The following TAFA5 variants were observed in gnomAD, a reference collection of about 807,000 sequenced individuals.
TAFA5 encodes TAFA chemokine like family member 5, also known as chemokine-like protein TAFA-5.
A neutral mutation model predicts 15.3 loss-of-function variants in TAFA5; 6 were observed. The ratio of observed to expected loss-of-function variants is 0.39; its 90% CI spans 0.21 to 0.77. TAFA5 has a LOEUF of 0.77. TAFA5 is among the 30% of genes least tolerant of loss of function. The pLI is 0.41. For synonymous variants in TAFA5, 103 were observed against 80.7 expected (o/e 1.28, Z -1.48); for missense variants, 161 against 193.1 (o/e 0.83, Z 0.98).
At chr22:48,686,348 TG>T (rs1284704079) in intron 2 of TAFA5, among the ~76,000 whole-genome samples, 1 of 152,198 alleles carries the variant, frequency 6.6e-6, no homozygotes, top group Admixed American at 6.5e-5. Context: ...CGGGTTCTGG[TG>T]AGCACTCTCT....
At chr22:48,589,706 G>A (rs949984062) in intron 1 of TAFA5, among the ~76,000 whole-genome samples, 1 of 146,474 alleles carries the variant, frequency 6.8e-6, no homozygotes, top group African/African-American at 2.6e-5. Context: ...AACAGAGAGG[G>A]GGCCTCGTGA....
At chr22:48,593,292 G>A (rs568477024) in intron 1 of TAFA5, among the ~76,000 whole-genome samples, 10 of 152,316 alleles carry the variant, frequency 6.6e-5, no homozygotes, top group East Asian at 5.8e-4. Flanking sequence ...GCAGCTGGTC[G>A]GGCCCAGCCC....
intron 2 of TAFA5, among the ~76,000 whole-genome samples, chr22:48,678,228 C>T (rs1366425911): frequency 6.6e-6 from 1 of 152,202 alleles, no homozygotes; most frequent in Admixed American, 6.5e-5. Context: ...TTCCCTTAAG[C>T]TGGGCTATAA....
intron 1 of TAFA5, among the ~76,000 whole-genome samples, chr22:48,533,023 G>C (rs133474): frequency 0.95 from 144,140 of 152,234 alleles, 68,352 homozygotes; most frequent in African/African-American, 0.99. Context: ...CCAGGCTGTT[G>C]CCCTAAATGC....
At chr22:48,595,170 T>C (rs1156703258) in intron 1 of TAFA5, among the ~76,000 whole-genome samples, 2 of 152,172 alleles carry the variant, frequency 1.3e-5, no homozygotes, top group African/African-American at 4.8e-5. Context: ...CATGCCCCAA[T>C]TGGGGCCCGC....
At chr22:48,629,844 G>A (rs1926151915) in intron 1 of TAFA5, among the ~76,000 whole-genome samples, 1 of 151,032 alleles carries the variant, frequency 6.6e-6, no homozygotes, top group Non-Finnish European at 1.5e-5. Flanking sequence ...CCCCCTGGAT[G>A]GGAGAGGGCA....
intron 1 of TAFA5, among the ~76,000 whole-genome samples, chr22:48,599,080 G>A (rs560389146): frequency 3.9e-5 from 6 of 152,304 alleles, no homozygotes; most frequent in Admixed American, 1.3e-4. Context: ...ACCCTCCTGC[G>A]TTCACTGAGC....
intron 3 of TAFA5, among the ~76,000 whole-genome samples, chr22:48,715,340 G>A (rs572096631): frequency 1.7e-4 from 26 of 152,380 alleles, no homozygotes; most frequent in South Asian, 2.1e-4. Flanking sequence ...AGCGAGGAAC[G>A]TAGAGGCCGC....
chr22:48,665,234 G>A (rs541576357), intron 2 of TAFA5, among the ~76,000 whole-genome samples: 3 of 152,094 alleles, frequency 2.0e-5, no homozygotes, highest in East Asian at 1.9e-4. Flanking sequence ...GTTCATTTGC[G>A]TCTTCCACTC....
At chr22:48,707,891 G>C (rs376846939) in intron 3 of TAFA5, 47 bp downstream of exon 3, 2 of 1,589,192 alleles carry the variant, frequency 1.3e-6, no homozygotes, top group Middle Eastern at 1.7e-4. Flanking sequence ...GAGGGGGTAT[G>C]TGTGTGCGGG....
chr22:48,737,088 A>C (rs968099114), intron 3 of TAFA5, among the ~76,000 whole-genome samples: 1 of 152,112 alleles, frequency 6.6e-6, no homozygotes, highest in Admixed American at 6.5e-5. Context: ...CAGCAGCTGC[A>C]GGTGGGGGCT....
intron 1 of TAFA5, chr22:48,545,267 G>A (rs1260923036): frequency 3.9e-6 from 1 of 254,956 alleles, no homozygotes; most frequent in Non-Finnish European, 7.8e-6. Flanking sequence ...TCTGGTCTCG[G>A]AATTCCCTGG....
At chr22:48,562,824 G>C (rs1015527311) in intron 1 of TAFA5, among the ~76,000 whole-genome samples, 4 of 152,210 alleles carry the variant, frequency 2.6e-5, no homozygotes, top group African/African-American at 9.6e-5. Context: ...CAGTGAGAGA[G>C]GACTCACTCG....
chr22:48,737,717 GA>G (rs1233679275), intron 3 of TAFA5, among the ~76,000 whole-genome samples: 3 of 152,168 alleles, frequency 2.0e-5, no homozygotes, highest in African/African-American at 7.2e-5. Context: ...CTCAGGGATG[GA>G]GATGCCAGCC....
chr22:48,682,569 A>G lies in TAFA5; in HGVS notation c.263-25148A>G, dbSNP rs573474501. Among the ~76,000 whole-genome samples, 5 of 152,368 alleles carry G rather than the reference A, an allele frequency of 3.3e-5. No individual in the cohort carries two copies. The South Asian group carries it at 1.0e-3, about 32-fold the overall frequency. On this transcript the variant is annotated intron_variant, in intron 2 of 3. Coordinates refer to ENST00000402357, the MANE Select transcript of TAFA5 (RefSeq NM_001082967.3). ...CTGTCCCACAAGTTGGTGAAAGCAG[A>G]AGACCCTGACGTCATTTGCATATAA...
Position 48,738,475 on chromosome 22 carries a change from G to T in TAFA5, c.391-11364G>T, listed in dbSNP as rs540403312. 2.0e-5 allele frequency among the ~76,000 whole-genome samples: 3 copies of T among 152,210 alleles called. No homozygotes were observed. In the South Asian group the frequency reaches 6.2e-4, roughly 32 times the overall value. Reference sequence around the variant, plus strand: ...AGGGAAGGTCGAAGGCCACGCCTGTGCTCCTGAGTCTCATCTCGCTGCCTC... The same window carrying T: ...AGGGAAGGTCGAAGGCCACGCCTGTTCTCCTGAGTCTCATCTCGCTGCCTC... On this transcript the variant is annotated intron_variant, in intron 3 of 3. Transcript: ENST00000402357.
In TAFA5 at chr22:48,690,805, T is replaced by G. The variant is rs908664838; in HGVS notation, c.263-16912T>G. Among the ~76,000 whole-genome samples, 18 of 152,160 alleles carry G rather than the reference T, an allele frequency of 1.2e-4. 1 individual carries two copies. Among genetic ancestry groups the G allele is most frequent in the Non-Finnish European group, 2.9e-5 (2 of 68,026 alleles). On this transcript the variant is annotated intron_variant, in intron 2 of 3. Coordinates refer to ENST00000402357, the MANE Select transcript of TAFA5 (RefSeq NM_001082967.3). ...TGGCCTTGGCCTCTGCCCAGGAGGC[T>G]GTGGGCTGACCTATGTCAGCCCAGG... is the stretch of plus-strand genomic sequence containing the variant.
At chr22:48,621,926 C>T (rs746154506) in intron 1 of TAFA5, among the ~76,000 whole-genome samples, 2 of 152,110 alleles carry the variant, frequency 1.3e-5, no homozygotes, top group Non-Finnish European at 2.9e-5. Context: ...GGTGGCTGGA[C>T]CCCTGCCTGT....
At chr22:48,679,154 T>G (rs1184295705) in intron 2 of TAFA5, among the ~76,000 whole-genome samples, 1 of 5,546 alleles carries the variant, frequency 1.8e-4, no homozygotes. Context: ...TGTCCATCCC[T>G]CTCCCGGCTC....
Sources: allele counts gnomAD v4.1 joint callset (sites outside exome capture counted in the v4.1 genomes callset), GRCh38; gene constraint gnomAD v4.1.1; transcripts MANE v1.5; gene names NCBI Gene and HGNC (gene_info 2026-07-23, HGNC 2026-07-21).